The following ENPP6 variants were observed in gnomAD, a reference collection of about 807,000 sequenced individuals.
The protein encoded by ENPP6 is ectonucleotide pyrophosphatase/phosphodiesterase 6, also known as glycerophosphocholine cholinephosphodiesterase ENPP6.
ENPP6 carries 32 observed loss-of-function variants against 42.0 expected under a neutral mutation model. The ratio of observed to expected loss-of-function variants is 0.76; its 90% CI spans 0.58 to 1.02. ENPP6 has a LOEUF of 1.02. Among genes scored for constraint, ENPP6 ranks in the 50% least tolerant of loss-of-function variants. ENPP6 has a pLI of 0.00. For missense variants in ENPP6, 552 were observed against 566.8 expected (o/e 0.97, Z 0.27); for synonymous variants, 213 against 216.0 (o/e 0.99, Z 0.12).
intron 1 of ENPP6, among the ~76,000 whole-genome samples, chr4:184,162,812 G>T (rs1388391801): frequency 1.3e-5 from 2 of 151,574 alleles, no homozygotes; most frequent in African/African-American, 4.8e-5. Context: ...CAAGGCCCTG[G>T]CAATAAACAG....
intron 2 of ENPP6, among the ~76,000 whole-genome samples, chr4:184,131,217 T>TTTCTTTC (rs1736618563): frequency 1.1e-5 from 1 of 87,038 alleles, no homozygotes; most frequent in African/African-American, 4.7e-5. Context: ...TCTTTCTTTC[T>TTTCTTTC]TTTTCTTTCT....
At chr4:184,196,929 G>T (rs1732810155) in intron 1 of ENPP6, among the ~76,000 whole-genome samples, 1 of 152,192 alleles carries the variant, frequency 6.6e-6, no homozygotes, top group Admixed American at 6.5e-5. Context: ...CAACTTTCAA[G>T]ACCCCCCCAC....
At position 184,124,959 on chromosome 4, in the gene ENPP6, T is replaced by C. The variant is rs573670516; in HGVS notation, c.422-687A>G. ...AAACACCCATCCATATTAGGGAACA[T>C]AGAACAGGAGAGGGATGTGCCCACC... is the stretch of plus-strand genomic sequence containing the variant. On this transcript the variant is annotated intron_variant, in intron 2 of 7. Transcript: ENST00000296741. 3.9e-5 allele frequency among the ~76,000 whole-genome samples: 6 copies of C among 152,302 alleles called. No homozygotes were observed. The South Asian group carries it at 1.0e-3, about 26-fold the overall frequency.
intron 2 of ENPP6, among the ~76,000 whole-genome samples, chr4:184,147,773 C>A (rs1736953711): frequency 6.7e-6 from 1 of 149,500 alleles, no homozygotes; most frequent in African/African-American, 2.5e-5. Flanking sequence ...TGCACTCTAG[C>A]CTGGGCAACA....
intron 6 of ENPP6, among the ~76,000 whole-genome samples, chr4:184,105,610 G>C (rs1315166830): frequency 6.6e-6 from 1 of 152,124 alleles, no homozygotes; most frequent in South Asian, 2.1e-4. Context: ...TGCAGAGAGA[G>C]TGAATTGAGG....
At chr4:184,135,902 T>TTCTG (rs1736723978) in intron 2 of ENPP6, among the ~76,000 whole-genome samples, 1 of 152,168 alleles carries the variant, frequency 6.6e-6, no homozygotes, top group African/African-American at 2.4e-5. Context: ...ACTATATAAA[T>TTCTG]TCTGATTCAT....
Position 184,091,039 on chromosome 4 carries a change from C to T in ENPP6, c.*138G>A. On this transcript the variant is annotated 3_prime_UTR_variant, in exon 8 of 8. Transcript: ENST00000296741. ...AGGAACTTTTATGTATAGAATTATC[C>T]AAGAATAATGTATTTACAATGTGCA... is the stretch of plus-strand genomic sequence containing the variant. 2.6e-6 allele frequency: 2 copies of T among 771,032 alleles called. No homozygotes were observed. The highest frequency in any genetic ancestry group is 3.7e-6 in the Non-Finnish European group (2 of 536,832). 47.8% of individuals were successfully genotyped at this position (771,032 alleles called of 1,614,324 possible). A position where few individuals can be genotyped will look rare whatever the true frequency, so the allele number is the denominator to read the frequency against.
intron 6 of ENPP6, among the ~76,000 whole-genome samples, chr4:184,105,175 C>T (rs550056026): frequency 7.9e-5 from 12 of 152,118 alleles, no homozygotes; most frequent in African/African-American, 1.4e-4. Flanking sequence ...AATTTTGGTT[C>T]GGGTCTATGC....
At chr4:184,200,523 C>A (rs1053911511) in intron 1 of ENPP6, among the ~76,000 whole-genome samples, 1 of 152,220 alleles carries the variant, frequency 6.6e-6, no homozygotes, top group Non-Finnish European at 1.5e-5. Flanking sequence ...ACATCAATTG[C>A]GCACTCACTA....
intron 1 of ENPP6, among the ~76,000 whole-genome samples, chr4:184,162,584 G>GAAGGAAGGAAGGAAGGAAGT (rs1477735148): frequency 6.6e-6 from 1 of 151,708 alleles, no homozygotes; most frequent in African/African-American, 2.4e-5. Flanking sequence ...AGAAAGGAAG[G>GAAGGAAGGAAGGAAGGAAGT]AAGAGAGGGA....
At chr4:184,211,201 T>C (rs79340555) in intron 1 of ENPP6, among the ~76,000 whole-genome samples, 43,394 of 151,238 alleles carry the variant, frequency 0.29, 7,915 homozygotes, top group Non-Finnish European at 0.39. Flanking sequence ...AGCAAACACA[T>C]TCAAAAGCTA....
At chr4:184,150,337 C>A (rs557641245) in intron 2 of ENPP6, among the ~76,000 whole-genome samples, 1 of 152,260 alleles carries the variant, frequency 6.6e-6, no homozygotes, top group East Asian at 1.9e-4. Context: ...TAAATATTGA[C>A]TTAATGGCGA....
intron 1 of ENPP6, 134 bp from the exon 2 acceptor site, chr4:184,153,867 A>G (rs1232680241): frequency 4.1e-6 from 4 of 978,876 alleles, no homozygotes; most frequent in Non-Finnish European, 5.6e-6. Flanking sequence ...TTTTGACTTT[A>G]AAAAAAAATC....
chr4:184,115,733 G>C (rs149229230), intron 5 of ENPP6, among the ~76,000 whole-genome samples: 134 of 152,310 alleles, frequency 8.8e-4, no homozygotes, highest in Non-Finnish European at 8.8e-4. Flanking sequence ...ACAGAGCTGG[G>C]AACGGTGGCT....
intron 6 of ENPP6, among the ~76,000 whole-genome samples, chr4:184,108,330 C>T (rs953396925): frequency 1.3e-5 from 2 of 152,204 alleles, no homozygotes; most frequent in Non-Finnish European, 2.9e-5. Context: ...AGCCCTGAAA[C>T]GTCATCGCAT....
At chr4:184,186,797 C>T (rs556134838) in intron 1 of ENPP6, among the ~76,000 whole-genome samples, 2 of 152,292 alleles carry the variant, frequency 1.3e-5, no homozygotes, top group African/African-American at 2.4e-5. Flanking sequence ...TCCTACAGGC[C>T]TCTCTGCTTC....
rs568498092 is a variant in ENPP6 at position 184,132,447 on chromosome 4, C to T, written c.422-8175G>A. ...TGTGCATATGTTCCAGATATCAACTCGTTGTTTGTTTTATTTCCTCATACT... is the reference window on the plus strand; with the variant it reads ...TGTGCATATGTTCCAGATATCAACTTGTTGTTTGTTTTATTTCCTCATACT... On this transcript the variant is annotated intron_variant, in intron 2 of 7. Coordinates refer to ENST00000296741, the MANE Select transcript of ENPP6 (RefSeq NM_153343.4). Among the ~76,000 whole-genome samples the T allele has an allele frequency of 5.9e-4, 90 of 152,152 alleles. 1 individual carries two copies. The highest frequency in any genetic ancestry group is 2.0e-3 in the African/African-American group (82 of 41,510).
intron 1 of ENPP6, among the ~76,000 whole-genome samples, chr4:184,166,904 T>G (rs181466300): frequency 0.011 from 1,683 of 152,310 alleles, 24 homozygotes; most frequent in South Asian, 0.081. Context: ...AGTAGGTGGC[T>G]ACTTTGGCAA....
chr4:184,095,116 T>C (rs1310031239), intron 7 of ENPP6, among the ~76,000 whole-genome samples: 1 of 152,196 alleles, frequency 6.6e-6, no homozygotes, highest in African/African-American at 2.4e-5. Context: ...CAGAACGTGA[T>C]GGTTTGCGGG....
Sources: gnomAD v4.1 joint callset for allele counts (sites outside exome capture counted in the v4.1 genomes callset) on GRCh38, gnomAD v4.1.1 for gene constraint, MANE v1.5 for transcripts, NCBI Gene and HGNC (gene_info 2026-07-23, HGNC 2026-07-21) for gene names.